AGMO: variants seen among roughly 807,000 people sequenced by gnomAD.
AGMO encodes glyceryl-ether monooxygenase.
In AGMO, 75 loss-of-function variants were observed where a neutral mutation model predicts 60.2. The ratio of observed to expected loss-of-function variants is 1.25; its 90% CI spans 1.03 to 1.51. AGMO has a LOEUF of 1.51. AGMO is among the 40% of genes most tolerant of loss of function. AGMO has a pLI of 0.00. For missense variants in AGMO, 763 were observed against 525.5 expected (o/e 1.45, Z -4.42); for synonymous variants, 261 against 177.1 (o/e 1.47, Z -3.76).
At chr7:15,228,498 G>C (rs1300722043) in intron 12 of AGMO, among the ~76,000 whole-genome samples, 2 of 152,100 alleles carry the variant, frequency 1.3e-5, no homozygotes, top group Non-Finnish European at 2.9e-5. Flanking sequence ...AGTTGTGAAG[G>C]AGTCAACTGA....
intron 12 of AGMO, among the ~76,000 whole-genome samples, chr7:15,305,712 T>C (rs1008839558): frequency 3.3e-5 from 5 of 151,986 alleles, no homozygotes; most frequent in African/African-American, 1.2e-4. Flanking sequence ...TTTACTAGGG[T>C]ACTATAGTTA....
intron 3 of AGMO, among the ~76,000 whole-genome samples, chr7:15,440,436 G>A (rs1781521553): frequency 6.6e-6 from 1 of 152,168 alleles, no homozygotes; most frequent in Non-Finnish European, 1.5e-5. Flanking sequence ...AGAAATTAAT[G>A]AGACAGAGAA....
chr7:15,398,920 T>C (rs1784479179), intron 5 of AGMO, among the ~76,000 whole-genome samples: 1 of 152,144 alleles, frequency 6.6e-6, no homozygotes, highest in African/African-American at 2.4e-5. Flanking sequence ...TTTCTACTTA[T>C]CCATCATATT....
At chr7:15,463,392 A>C (rs1181023646) in intron 3 of AGMO, among the ~76,000 whole-genome samples, 1 of 152,186 alleles carries the variant, frequency 6.6e-6, no homozygotes, top group Non-Finnish European at 1.5e-5. Flanking sequence ...AATAGCTGCC[A>C]AAAGGAAAAG....
At chr7:15,335,754 CTTAG>C (rs1781639541) in intron 12 of AGMO, among the ~76,000 whole-genome samples, 1 of 152,180 alleles carries the variant, frequency 6.6e-6, no homozygotes, top group African/African-American at 2.4e-5. Flanking sequence ...ACATCTATAA[CTTAG>C]ATAACACGGT....
At chr7:15,417,760 T>C (rs1780815121) in intron 5 of AGMO, among the ~76,000 whole-genome samples, 1 of 152,182 alleles carries the variant, frequency 6.6e-6, no homozygotes, top group Non-Finnish European at 1.5e-5. Flanking sequence ...GTATCAAGAT[T>C]TCACATATAA....
chr7:15,153,553 T>G, the AGMO span, among the ~76,000 whole-genome samples: 1 of 152,196 alleles, frequency 6.6e-6, no homozygotes, highest in Non-Finnish European at 1.5e-5. Context: ...TTCATTCTTC[T>G]GCATGTGGCT....
chr7:15,460,997 T>C (rs1211265904), intron 3 of AGMO, among the ~76,000 whole-genome samples: 2 of 152,290 alleles, frequency 1.3e-5, no homozygotes, highest in South Asian at 2.1e-4. Context: ...CAGGCATTTG[T>C]TGTGGGCCTA....
At chr7:15,343,641 T>C (rs535579401) in intron 12 of AGMO, among the ~76,000 whole-genome samples, 1 of 152,310 alleles carries the variant, frequency 6.6e-6, no homozygotes, top group East Asian at 1.9e-4. Context: ...CCAACCTCTT[T>C]GCTTCATCTC....
At chr7:15,230,610 C>G (rs1782231473) in intron 12 of AGMO, among the ~76,000 whole-genome samples, 1 of 152,206 alleles carries the variant, frequency 6.6e-6, no homozygotes, top group Non-Finnish European at 1.5e-5. Flanking sequence ...CTAGTACAGG[C>G]AATTTCATTC....
At chr7:15,241,724 A>C (rs1413890506) in intron 12 of AGMO, among the ~76,000 whole-genome samples, 1 of 152,174 alleles carries the variant, frequency 6.6e-6, no homozygotes, top group Non-Finnish European at 1.5e-5. Flanking sequence ...GTAATGGCTT[A>C]AAAAATTCCC....
At chr7:15,440,089 A>T (rs1037643937) in intron 3 of AGMO, among the ~76,000 whole-genome samples, 3 of 152,216 alleles carry the variant, frequency 2.0e-5, no homozygotes, top group Admixed American at 2.0e-4. Flanking sequence ...AAACAGAGAA[A>T]GAGAGATGCT....
At chr7:15,376,125 A>C (rs1377966978) in intron 10 of AGMO, among the ~76,000 whole-genome samples, 1 of 152,106 alleles carries the variant, frequency 6.6e-6, no homozygotes, top group Non-Finnish European at 1.5e-5. Flanking sequence ...CGTTACTACA[A>C]ATCCATTACA....
At chr7:15,221,606 T>C (rs1483183569) in intron 12 of AGMO, among the ~76,000 whole-genome samples, 1 of 152,172 alleles carries the variant, frequency 6.6e-6, no homozygotes, top group Non-Finnish European at 1.5e-5. Flanking sequence ...CAGGATATGC[T>C]ACGTGGCTTT....
chr7:15,386,221 G>T lies in AGMO; in HGVS notation c.958-659C>A, dbSNP rs373984599. Among the ~76,000 whole-genome samples the T allele has an allele frequency of 4.7e-4, 71 of 152,096 alleles. 1 individual carries two copies. In the South Asian group the frequency reaches 8.7e-3, roughly 19 times the overall value. Reference sequence around the variant, plus strand: ...AAAAAAGGTGATCTTGGCAGTGTAGGTAATCATGCTTCAAAGAAAAATACT... The same window carrying T: ...AAAAAAGGTGATCTTGGCAGTGTAGTTAATCATGCTTCAAAGAAAAATACT... On this transcript the variant is annotated intron_variant, in intron 9 of 12. Transcript: ENST00000342526.
rs538075133 is a variant in AGMO, at chr7:15,217,175, T to C, written c.1264-15816A>G. 4.1e-4 allele frequency among the ~76,000 whole-genome samples: 63 copies of C among 152,214 alleles called. 1 individual carries two copies. The South Asian group carries it at 0.012, about 29-fold the overall frequency. ...TGAGGGCTGTGGTAGATGGAAATGA[T>C]AATTTTCTTTCTACAATTTGTCATA... On this transcript the variant is annotated intron_variant, in intron 12 of 12. Transcript: ENST00000342526.
intron 3 of AGMO, among the ~76,000 whole-genome samples, chr7:15,501,653 G>A (rs373301118): frequency 6.6e-6 from 1 of 151,908 alleles, no homozygotes; most frequent in Non-Finnish European, 1.5e-5. Context: ...ATGATGGTAG[G>A]CGAAAAATAT....
At chr7:15,387,304 C>A in intron 9 of AGMO, 102 bp downstream of exon 9, 1 of 1,356,428 alleles carries the variant, frequency 7.4e-7, no homozygotes, top group Non-Finnish European at 1.0e-6. Flanking sequence ...GGGGGAACAT[C>A]TTTTTACAGA....
chr7:15,242,128 T>C (rs1201937235), intron 12 of AGMO, among the ~76,000 whole-genome samples: 1 of 152,200 alleles, frequency 6.6e-6, no homozygotes, highest in East Asian at 1.9e-4. Flanking sequence ...TTTTGATTAA[T>C]TTAAAATCAA....
Sources: allele counts gnomAD v4.1 joint callset (sites outside exome capture counted in the v4.1 genomes callset), GRCh38; gene constraint gnomAD v4.1.1; transcripts MANE v1.5; gene names NCBI Gene and HGNC (gene_info 2026-07-23, HGNC 2026-07-21).